The following NEB variants were observed in gnomAD, a reference collection of about 807,000 sequenced individuals.
NEB encodes the protein nemaline myopathy type 2.
Under a neutral mutation model 952.2 loss-of-function variants are expected in NEB, and 512 were observed. That is an observed-to-expected ratio of 0.54 (90% CI 0.50 to 0.58). NEB has a LOEUF of 0.58. Among genes scored for constraint, NEB ranks in the 20% least tolerant of loss-of-function variants. The probability of loss-of-function intolerance (pLI) is 0.00; values close to 1 mark genes in which losing one functional copy is unlikely to be tolerated. For missense variants in NEB, 8,428 were observed against 9,231.1 expected, an observed-to-expected ratio of 0.91 and a Z score of 3.56; for synonymous variants, 2,900 against 3,149.8, an observed-to-expected ratio of 0.92 and a Z score of 2.66.
chr2:151,644,326 C>A, intron 56 of NEB, 142 bp downstream of exon 56: 1 of 1,042,060 alleles, frequency 9.6e-7, no homozygotes, highest in Non-Finnish European at 1.4e-6. Context: ...TTGATCTTAT[C>A]CTCATCCCAC....
In NEB at chr2:151,535,748, A is replaced by T; in HGVS notation, c.21255T>A (p.Tyr7085Ter). The T allele has an allele frequency of 6.2e-7, 1 of 1,609,042 alleles. No individual in the cohort carries two copies. The highest frequency in any genetic ancestry group is 8.5e-7 in the Non-Finnish European group (1 of 1,177,320). ...GCCTATTGATCGGAGAGTCGGCAAC[A>T]TACTTGAAATCTGACTTTGTCCTTT... ...VFERTKSDFK[Y>*]VADSPINRHF... Residue 7085 changes from tyrosine (Y) to a stop codon, truncating the protein, a stop_gained, in exon 142 of 182, where the codon TAT (tyrosine) becomes TAA (stop). Transcript: ENST00000397345. LOFTEE classifies it high-confidence loss of function.
chr2:151,559,272 A>T (rs573814642), intron 124 of NEB, among the ~76,000 whole-genome samples: 1 of 152,348 alleles, frequency 6.6e-6, no homozygotes, highest in South Asian at 2.1e-4. Flanking sequence ...AATGGTGATC[A>T]TTACAAAGTC....
chr2:151,658,226 A>G lies in NEB; in HGVS notation c.6076-136T>C, dbSNP rs1575365689. The G allele has an allele frequency of 4.9e-6, 3 of 617,484 alleles. No homozygotes were observed. The East Asian group carries it at 8.4e-5, about 17-fold the overall frequency. The allele number at this position is 617,484 out of a possible 1,614,324, so 38.3% of individuals were successfully genotyped here. ...GCTTCGTTGGTGCTTCAGTGGCTGA[A>G]TGTTCTTACAAGTAACATAACTGTG... On this transcript the variant is annotated intron_variant, in intron 47 of 181. Transcript: ENST00000397345.
intron 131 of NEB, 38 bp from the exon 132 acceptor site, chr2:151,547,776 G>A: frequency 7.0e-7 from 1 of 1,430,474 alleles, no homozygotes; most frequent in East Asian, 2.3e-5. Flanking sequence ...CATTTAGTAG[G>A]GGACGACGAG....
At chr2:151,497,547 A>T in intron 171 of NEB, 79 bp downstream of exon 171, 6 of 1,522,586 alleles carry the variant, frequency 3.9e-6, no homozygotes, top group Non-Finnish European at 5.3e-6. Context: ...AAAAAGTAGG[A>T]TTAATACGTA....
intron 9 of NEB, among the ~76,000 whole-genome samples, chr2:151,718,466 G>A (rs149259692): frequency 6.6e-6 from 1 of 152,190 alleles, no homozygotes; most frequent in East Asian, 1.9e-4. Context: ...ACTCTCAGGG[G>A]CCAGTCTAAA....
At chr2:151,492,669 G>A (rs369699291) in intron 176 of NEB, 175 bp from the exon 177 acceptor site, 18 of 415,304 alleles carry the variant, frequency 4.3e-5, no homozygotes, top group East Asian at 1.7e-4. Context: ...AGAAGGGCCC[G>A]CCAGTGGAAG....
Position 151,519,202 on chromosome 2 carries a change from T to C in NEB, c.22591-133A>G, listed in dbSNP as rs1053527544. 2.2e-5 allele frequency: 15 copies of C among 691,114 alleles called. No individual in the cohort carries two copies. In the African/African-American group the frequency reaches 2.3e-4, roughly 11 times the overall value. The allele number at this position is 691,114 out of a possible 1,614,324, so 42.8% of individuals were successfully genotyped here. On this transcript the variant is annotated intron_variant, in intron 154 of 181. Coordinates refer to ENST00000397345, the MANE Select transcript of NEB (RefSeq NM_001164508.2). The stretch of plus-strand genomic sequence containing the variant: ...ATGAAAAATCATACCTCATTCATAG[T>C]AGCCAGAAGGCAGAAACAACCCAAG...
chr2:151,625,334 C>A (rs2098501381), intron 71 of NEB, among the ~76,000 whole-genome samples, 200 bp downstream of exon 71: 1 of 150,614 alleles, frequency 6.6e-6, no homozygotes. Context: ...GTCTGTCTGT[C>A]TATCTGTCTG....
At chr2:151,646,532 T>C (rs1301666844) in intron 54 of NEB, among the ~76,000 whole-genome samples, 1 of 152,232 alleles carries the variant, frequency 6.6e-6, no homozygotes, top group Non-Finnish European at 1.5e-5. Context: ...GGCTTCTCCA[T>C]CTTCTGGGTT....
intron 124 of NEB, among the ~76,000 whole-genome samples, chr2:151,560,120 A>C (rs1443079785): frequency 1.3e-5 from 2 of 152,154 alleles, no homozygotes; most frequent in Non-Finnish European, 2.9e-5. Context: ...GAAAAGTTCT[A>C]CCTAAAAAAG....
intron 135 of NEB, among the ~76,000 whole-genome samples, chr2:151,543,669 T>C (rs1278142448): frequency 6.6e-6 from 1 of 152,230 alleles, no homozygotes. Context: ...TATTGATTTT[T>C]AGAGACGGGG....
chr2:151,532,961 A>C (rs1456327177), intron 143 of NEB, among the ~76,000 whole-genome samples: 2 of 152,192 alleles, frequency 1.3e-5, no homozygotes, highest in African/African-American at 4.8e-5. Context: ...GCAATTCAGC[A>C]TCAAAGTCAA....
At chr2:151,611,899 G>A (rs1340852848) in intron 78 of NEB, among the ~76,000 whole-genome samples, 2 of 152,208 alleles carry the variant, frequency 1.3e-5, no homozygotes, top group Non-Finnish European at 2.9e-5. Flanking sequence ...GAATGTGTGA[G>A]GAAGGGTAAT....
At chr2:151,487,298 A>G (rs1226019743) in intron 181 of NEB, among the ~76,000 whole-genome samples, 2 of 152,214 alleles carry the variant, frequency 1.3e-5, no homozygotes, top group Non-Finnish European at 2.9e-5. Context: ...ATAATAAGTG[A>G]TAATATCAAA....
At position 151,527,510 on chromosome 2, in the gene NEB, C is replaced by T. The variant is rs753251668; in HGVS notation, c.21811G>A (p.Ala7271Thr). The change falls in exon 147 of 182, where the codon GCT becomes ACT. Residue 7271 changes from alanine to threonine, a missense_variant. Physicochemically the swap from Ala to Thr is moderately conservative, Grantham distance 58 (BLOSUM62 0). Around this residue, in one of 11 missense-constraint regions of NEB, gnomAD observed 3,374 missense variants for 3,651.5 expected, o/e 0.92. Transcript: ENST00000397345. ...CTTTGCTGCAGGGATGACTTGGCAGCCTGGAGGAAGTCCGGTCGGTCAGGA... is the reference window on the plus strand; with the variant it reads ...CTTTGCTGCAGGGATGACTTGGCAGTCTGGAGGAAGTCCGGTCGGTCAGGA... ...WTPDRPDFLQ[A>T]AKSSLQQSDF... 6.2e-7 allele frequency: 1 copy of T among 1,613,324 alleles called. No individual in the cohort carries two copies. Among genetic ancestry groups the T allele is most frequent in the African/African-American group, 1.3e-5 (1 of 75,044 alleles).
chr2:151,489,254 T>C (rs548652177), intron 181 of NEB, among the ~76,000 whole-genome samples: 2 of 152,300 alleles, frequency 1.3e-5, no homozygotes, highest in African/African-American at 4.8e-5. Flanking sequence ...TTTGAGGATA[T>C]TATGAATGAG....
intron 78 of NEB, 75 bp from the exon 79 acceptor site, chr2:151,610,941 T>C (rs2153976718): frequency 1.1e-6 from 1 of 873,458 alleles, no homozygotes; most frequent in South Asian, 2.0e-5. Context: ...AATAACATCA[T>C]TACAGTTGTT....
Position 151,567,184 on chromosome 2 carries a change from T to C in NEB, c.18140A>G (p.Tyr6047Cys), listed in dbSNP as rs533393007. 16 of 1,606,956 alleles carry C rather than the reference T, an allele frequency of 1.0e-5. No homozygotes were observed. The highest frequency in any genetic ancestry group is 6.7e-5 in the Admixed American group (4 of 59,732). ...ATCACTTACATCACTCTGTAGGTCATAGGCCTTTCTTGCCTGAATAACATC... is the reference window on the plus strand; with the variant it reads ...ATCACTTACATCACTCTGTAGGTCACAGGCCTTTCTTGCCTGAATAACATC... Reference protein sequence around the residue: ...QNDVIQARKAYDLQSDNVYRA... With the variant: ...QNDVIQARKACDLQSDNVYRA... Residue 6047 changes from tyrosine to cysteine, a missense_variant, in exon 114 of 182, where the codon TAT (tyrosine) becomes TGT (cysteine). Tyr to Cys is a radical substitution (Grantham distance 194). Around this residue, in one of 11 missense-constraint regions of NEB, gnomAD observed 3,374 missense variants for 3,651.5 expected, o/e 0.92. Transcript: ENST00000397345.
Sources: allele counts gnomAD v4.1 joint callset (sites outside exome capture counted in the v4.1 genomes callset), GRCh38; gene constraint gnomAD v4.1.1; regional missense constraint gnomAD v4.1.1; transcripts MANE v1.5; gene names NCBI Gene and HGNC (gene_info 2026-07-23, HGNC 2026-07-21).